The following CTDSPL variants were observed in gnomAD, a reference collection of about 807,000 sequenced individuals.
The protein encoded by CTDSPL is CTD small phosphatase-like protein.
Under a neutral mutation model 30.5 loss-of-function variants are expected in CTDSPL, and 8 were observed. The ratio of observed to expected loss-of-function variants is 0.26; its 90% CI spans 0.15 to 0.47. CTDSPL has a LOEUF of 0.47. Ranked by LOEUF, CTDSPL falls within the 20% of genes least tolerant of loss-of-function variation. The pLI is 0.99. For synonymous variants in CTDSPL, 110 were observed against 137.9 expected (o/e 0.80, Z 1.42); for missense variants, 248 against 366.1 (o/e 0.68, Z 2.63).
chr3:37,949,714 A>T (rs1699086568), intron 2 of CTDSPL, among the ~76,000 whole-genome samples: 1 of 152,234 alleles, frequency 6.6e-6, no homozygotes, highest in Non-Finnish European at 1.5e-5. Flanking sequence ...GATTTAAAAA[A>T]TTATTTTAAA....
intron 1 of CTDSPL, among the ~76,000 whole-genome samples, chr3:37,905,998 G>A (rs1698510724): frequency 1.3e-5 from 2 of 152,138 alleles, no homozygotes; most frequent in South Asian, 4.1e-4. Context: ...ATTTTTCTGG[G>A]CCAGGCCTTT....
intron 4 of CTDSPL, among the ~76,000 whole-genome samples, chr3:37,967,333 G>A (rs911333549): frequency 1.3e-5 from 2 of 152,386 alleles, no homozygotes; most frequent in South Asian, 2.1e-4. Flanking sequence ...ACCCCCACAT[G>A]GCCTTGTTAC....
intron 1 of CTDSPL, among the ~76,000 whole-genome samples, chr3:37,872,572 CTTTTTTTTTT>C (rs1294021036): frequency 1.1e-3 from 61 of 54,254 alleles, no homozygotes; most frequent in Non-Finnish European, 2.0e-3. Flanking sequence ...ATTCTTTTAT[CTTTTTTTTTT>C]TTTTTTTTTT....
intron 1 of CTDSPL, among the ~76,000 whole-genome samples, chr3:37,878,791 G>T (rs79122299): frequency 6.6e-6 from 1 of 152,030 alleles, no homozygotes; most frequent in Non-Finnish European, 1.5e-5. Context: ...TAAAATTGGG[G>T]CTGAGAATTT....
rs1699528279 is a variant in CTDSPL at position 37,984,237 on chromosome 3, C to T, written c.*3370C>T. The T allele has an allele frequency of 2.2e-6, 1 of 455,338 alleles. No homozygotes were observed. Among genetic ancestry groups the T allele is most frequent in the Admixed American group, 2.4e-5 (1 of 42,478 alleles). The allele number at this position is 455,338 out of a possible 1,614,324, so 28.2% of individuals were successfully genotyped here. A position where few individuals can be genotyped will look rare whatever the true frequency, so the allele number is the denominator to read the frequency against. On this transcript the variant is annotated 3_prime_UTR_variant, in exon 8 of 8. Coordinates refer to ENST00000273179, the MANE Select transcript of CTDSPL (RefSeq NM_001008392.2). The stretch of plus-strand genomic sequence containing the variant: ...ACTTTGATCATGTCTGTTCCTGTTC[C>T]ATTCTCCCAGGAGCTTCTCTGCAGA...
chr3:37,890,375 T>A (rs1449146305), intron 1 of CTDSPL, among the ~76,000 whole-genome samples: 1 of 152,138 alleles, frequency 6.6e-6, no homozygotes, highest in Non-Finnish European at 1.5e-5. Context: ...AGGGAAAATG[T>A]GGTGGTGCAA....
chr3:37,968,116 G>T (rs1699320135), intron 5 of CTDSPL: 1 of 496,284 alleles, frequency 2.0e-6, no homozygotes, highest in Admixed American at 3.8e-5. Context: ...AGTTCAAATA[G>T]TTCTTTGATT....
At chr3:37,963,194 C>CGTTGGAAAGGAAGAAACATGGA (rs1699262119) in intron 3 of CTDSPL, among the ~76,000 whole-genome samples, 1 of 152,106 alleles carries the variant, frequency 6.6e-6, no homozygotes, top group East Asian at 1.9e-4. Context: ...TTCTGGATGA[C>CGTTGGAAAGGAAGAAACATGGA]GTTGGAAAGG....
rs546421286 is a variant in CTDSPL, at chr3:37,916,703, G to A, written c.80-30354G>A. On this transcript the variant is annotated intron_variant, in intron 1 of 7. Transcript: ENST00000273179. ...ACACTTCCAGCCTTCAGAATTGAGA[G>A]ACAATAAATTTCTGTTGTTTTAAGC... Among the ~76,000 whole-genome samples the A allele has an allele frequency of 4.6e-5, 7 of 152,300 alleles. No homozygotes were observed. In the South Asian group the frequency reaches 1.5e-3, roughly 32 times the overall value.
At chr3:37,863,626 G>A (rs890589919) in intron 1 of CTDSPL, among the ~76,000 whole-genome samples, 1 of 152,238 alleles carries the variant, frequency 6.6e-6, no homozygotes, top group Non-Finnish European at 1.5e-5. Context: ...CGGCTTTGGG[G>A]ATGAGTCAGA....
chr3:37,927,684 G>GTATATATATATA (rs71094933), intron 1 of CTDSPL, among the ~76,000 whole-genome samples: 3 of 117,764 alleles, frequency 2.5e-5, no homozygotes, highest in South Asian at 2.7e-4. Flanking sequence ...GTGTGTATGT[G>GTATATATATATA]TATATATATA....
intron 1 of CTDSPL, among the ~76,000 whole-genome samples, chr3:37,915,210 T>A (rs1389098702): frequency 6.6e-6 from 1 of 152,224 alleles, no homozygotes; most frequent in Non-Finnish European, 1.5e-5. Context: ...TTGATCTGTT[T>A]TTCCTCCCCT....
chr3:37,923,065 G>C (rs1307002251), intron 1 of CTDSPL, among the ~76,000 whole-genome samples: 1 of 152,222 alleles, frequency 6.6e-6, no homozygotes, highest in Non-Finnish European at 1.5e-5. Context: ...AAGCAGGAAG[G>C]GGGCCTAACC....
At chr3:37,966,859 C>T (rs938223254) in intron 4 of CTDSPL, among the ~76,000 whole-genome samples, 3 of 152,172 alleles carry the variant, frequency 2.0e-5, no homozygotes, top group African/African-American at 7.2e-5. Context: ...CACACACCTT[C>T]TCCTTCCTTC....
intron 1 of CTDSPL, among the ~76,000 whole-genome samples, chr3:37,893,722 C>T (rs770822346): frequency 3.9e-5 from 6 of 151,954 alleles, no homozygotes; most frequent in Non-Finnish European, 7.4e-5. Context: ...GGTATAATTG[C>T]GGAAAAGGAG....
chr3:37,920,432 TCTC>T (rs1202875750), intron 1 of CTDSPL, among the ~76,000 whole-genome samples: 3 of 152,234 alleles, frequency 2.0e-5, no homozygotes, highest in East Asian at 1.9e-4. Flanking sequence ...AGGAAACAGT[TCTC>T]CTCCTTTTAA....
chr3:37,904,352 C>CT (rs1249387457), intron 1 of CTDSPL, among the ~76,000 whole-genome samples: 1 of 152,168 alleles, frequency 6.6e-6, no homozygotes. Context: ...GTGGGGCACT[C>CT]TATCAGGCAT....
intron 1 of CTDSPL, among the ~76,000 whole-genome samples, chr3:37,897,703 G>A (rs1485960551): frequency 3.3e-5 from 5 of 152,108 alleles, no homozygotes; most frequent in Non-Finnish European, 7.3e-5. Flanking sequence ...GTGAAGGCAG[G>A]ATGCTGGAAA....
At chr3:37,932,253 T>C (rs1575304947) in intron 1 of CTDSPL, among the ~76,000 whole-genome samples, 1 of 152,206 alleles carries the variant, frequency 6.6e-6, no homozygotes, top group African/African-American at 2.4e-5. Flanking sequence ...CTTTAAAAGA[T>C]ATTTACTAGA....
Sources: gnomAD v4.1 joint callset for allele counts (sites outside exome capture counted in the v4.1 genomes callset) on GRCh38, gnomAD v4.1.1 for gene constraint, MANE v1.5 for transcripts, NCBI Gene and HGNC (gene_info 2026-07-23, HGNC 2026-07-21) for gene names.